The following ANKRD11 variants were observed in gnomAD, a reference collection of about 807,000 sequenced individuals.
ANKRD11 encodes ankyrin repeat domain-containing protein 11.
ANKRD11 carries 17 observed loss-of-function variants against 195.7 expected under a neutral mutation model. The ratio of observed to expected loss-of-function variants is 0.09; its 90% CI spans 0.06 to 0.13. The LOEUF (loss-of-function observed/expected upper bound fraction) is 0.13, where lower values mean the gene tolerates loss of function less well. ANKRD11 is among the 10% of genes least tolerant of loss of function. The pLI is 1.00. For missense variants in ANKRD11, 3,735 were observed against 3,566.1 expected (o/e 1.05, Z -1.21); for synonymous variants, 1,953 against 1,528.1 (o/e 1.28, Z -6.49).
At chr16:89,286,984 G>A (rs771010690) in intron 7 of ANKRD11, 1 of 1,289,668 alleles carries the variant, frequency 7.8e-7, no homozygotes, top group Non-Finnish European at 1.0e-6. Flanking sequence ...TTCTATTGTT[G>A]AATCAGTACA....
chr16:89,358,739 C>T (rs762195385), intron 2 of ANKRD11, among the ~76,000 whole-genome samples: 26 of 152,178 alleles, frequency 1.7e-4, no homozygotes, highest in Admixed American at 3.3e-4. Flanking sequence ...ACATCTGCAC[C>T]CAGCCCTAGA....
At chr16:89,384,879 C>CTTTTTTTTTGTTTTTTTTTTTTTTTTTTT (rs2040834353) in intron 2 of ANKRD11, among the ~76,000 whole-genome samples, 1 of 49,910 alleles carries the variant, frequency 2.0e-5, no homozygotes, top group Non-Finnish European at 3.5e-5. Context: ...AAATAGTTTT[C>CTTTTTTTTTGTTTTTTTTTTTTTTTTTTT]TTTTTTTTTT....
chr16:89,314,107 C>T (rs1391623871), intron 3 of ANKRD11, among the ~76,000 whole-genome samples: 1 of 152,020 alleles, frequency 6.6e-6, no homozygotes, highest in African/African-American at 2.4e-5. Flanking sequence ...TCCTGTGGTC[C>T]CAGCTGCAAG....
In ANKRD11 at chr16:89,279,751, G is replaced by T. The variant is rs565435346; in HGVS notation, c.6791C>A (p.Pro2264His). The stretch of plus-strand genomic sequence containing the variant: ...GTCAGGGGCACAGAGGGACGCGGCG[G>T]GGGGGCCTTCAGCCTCAGCCCCCTG... ...GDQGAEAEGP[P>H]AASLCAPDGP... is the part of the protein sequence containing the mutation. The change falls in exon 9 of 13, where the codon CCC becomes CAC. Residue 2264 changes from proline (P) to histidine (H), a missense_variant. Pro to His is a moderately conservative substitution (Grantham distance 77). Coordinates refer to ENST00000301030, the MANE Select transcript of ANKRD11 (RefSeq NM_013275.6). The surrounding 1 kb of genome is among the most constrained non-coding windows in gnomAD (Gnocchi z 5.6). 6.6e-7 allele frequency: 1 copy of T among 1,525,374 alleles called. No individual in the cohort carries two copies. Among genetic ancestry groups the T allele is most frequent in the Admixed American group, 2.0e-5 (1 of 50,524 alleles). 94.5% of individuals were successfully genotyped at this position (1,525,374 alleles called of 1,614,324 possible).
intron 4 of ANKRD11, among the ~76,000 whole-genome samples, chr16:89,294,778 T>TGCCC (rs2035306886): frequency 6.6e-6 from 1 of 152,196 alleles, no homozygotes; most frequent in South Asian, 2.1e-4. Flanking sequence ...CCTGCCTGCC[T>TGCCC]GCCCCTCCTA....
chr16:89,419,312 G>C (rs958191059), intron 1 of ANKRD11, among the ~76,000 whole-genome samples: 1 of 151,950 alleles, frequency 6.6e-6, no homozygotes, highest in Non-Finnish European at 1.5e-5. Context: ...AATTAACCAG[G>C]TGTGGTGGCT....
intron 2 of ANKRD11, among the ~76,000 whole-genome samples, chr16:89,401,176 C>A (rs1244135900): frequency 6.8e-6 from 1 of 146,614 alleles, no homozygotes; most frequent in Non-Finnish European, 1.5e-5. Flanking sequence ...TCATTGCAAC[C>A]TCTGCCTCCC....
chr16:89,357,016 T>C (rs2039515760), intron 2 of ANKRD11, among the ~76,000 whole-genome samples: 1 of 152,202 alleles, frequency 6.6e-6, no homozygotes, highest in Non-Finnish European at 1.5e-5. Context: ...GTCCCAATGC[T>C]AATGGTTCAA....
At chr16:89,410,235 C>CT (rs1267183793) in intron 2 of ANKRD11, among the ~76,000 whole-genome samples, 1 of 152,164 alleles carries the variant, frequency 6.6e-6, no homozygotes, top group African/African-American at 2.4e-5. Context: ...GGGTACGGCC[C>CT]TTTGAGTGTC....
chr16:89,363,863 C>G (rs888755912), intron 2 of ANKRD11, among the ~76,000 whole-genome samples: 1 of 152,074 alleles, frequency 6.6e-6, no homozygotes, highest in African/African-American at 2.4e-5. Flanking sequence ...CGAGACCAGC[C>G]TGGCCATCGT....
intron 2 of ANKRD11, among the ~76,000 whole-genome samples, chr16:89,405,491 A>ATTT (rs60792139): frequency 1.5e-4 from 17 of 111,456 alleles, no homozygotes; most frequent in African/African-American, 6.0e-4. Context: ...CACCTGGCTC[A>ATTT]TTTTTTTTTT....
chr16:89,378,055 G>A (rs1009764932), intron 2 of ANKRD11, among the ~76,000 whole-genome samples: 2 of 151,946 alleles, frequency 1.3e-5, no homozygotes, highest in African/African-American at 4.8e-5. Context: ...CAATACATAC[G>A]ACATATAAAA....
At chr16:89,392,084 G>A (rs2041223043) in intron 2 of ANKRD11, among the ~76,000 whole-genome samples, 1 of 152,108 alleles carries the variant, frequency 6.6e-6, no homozygotes, top group African/African-American at 2.4e-5. Context: ...AGCCAATCGG[G>A]ACAAATACAG....
chr16:89,476,208 C>G (rs1420092689), intron 1 of ANKRD11, among the ~76,000 whole-genome samples: 1 of 152,106 alleles, frequency 6.6e-6, no homozygotes, highest in Non-Finnish European at 1.5e-5. Context: ...AACCCATTCT[C>G]AAAAGATGAA....
Position 89,317,055 on chromosome 16 carries a change from C to G in ANKRD11, c.-36G>C. 6.3e-7 allele frequency: 1 copy of G among 1,597,954 alleles called. No homozygotes were observed. Among genetic ancestry groups the G allele is most frequent in the Non-Finnish European group, 8.5e-7 (1 of 1,171,420 alleles). ...CTCACCCGATCTTCATTTACACGGC[C>G]GGCGCTTCATCATCAACCGTCTGCT... On this transcript the variant is annotated 5_prime_UTR_variant, in exon 3 of 13. Coordinates refer to ENST00000301030, the MANE Select transcript of ANKRD11 (RefSeq NM_013275.6).
At chr16:89,286,571 G>C in intron 7 of ANKRD11, 9 of 872,018 alleles carry the variant, frequency 1.0e-5, no homozygotes, top group Non-Finnish European at 1.4e-5. Flanking sequence ...AGTGGTGCCG[G>C]AGTGGTCGTG....
intron 1 of ANKRD11, among the ~76,000 whole-genome samples, chr16:89,422,409 G>C (rs1202937860): frequency 6.6e-6 from 1 of 152,120 alleles, no homozygotes; most frequent in Admixed American, 6.5e-5. Context: ...AAAAAGAAGT[G>C]GTATTTGAGG....
At chr16:89,338,726 CAAAAAAAAAA>C (rs34799616) in intron 2 of ANKRD11, among the ~76,000 whole-genome samples, 7 of 43,794 alleles carry the variant, frequency 1.6e-4, no homozygotes, top group African/African-American at 2.0e-4. Flanking sequence ...CACTCAGTCT[CAAAAAAAAAA>C]AAAAAAAAAA....
chr16:89,397,697 C>A (rs1597277984), intron 2 of ANKRD11, among the ~76,000 whole-genome samples: 1 of 152,238 alleles, frequency 6.6e-6, no homozygotes, highest in Non-Finnish European at 1.5e-5. Context: ...TGGATGCTGA[C>A]CCGGTACTGC....
Sources: gnomAD v4.1 joint callset for allele counts (sites outside exome capture counted in the v4.1 genomes callset) on GRCh38, gnomAD v4.1.1 for gene constraint, Gnocchi (gnomAD v3.1) non-coding constraint, MANE v1.5 for transcripts, NCBI Gene and HGNC (gene_info 2026-07-23, HGNC 2026-07-21) for gene names.